The following PTK2 variants were observed in gnomAD, a reference collection of about 807,000 sequenced individuals.
PTK2 encodes the protein protein tyrosine kinase 2, also known as focal adhesion kinase 1.
Under a neutral mutation model 150.1 loss-of-function variants are expected in PTK2, and 45 were observed. That is an observed-to-expected ratio of 0.30 (90% CI 0.24 to 0.38). PTK2 has a LOEUF of 0.38. PTK2 is among the 10% of genes least tolerant of loss of function. The pLI is 1.00. For missense variants in PTK2, 919 were observed against 1,307.3 expected, an observed-to-expected ratio of 0.70 and a Z score of 4.58; for synonymous variants, 432 against 449.2, an observed-to-expected ratio of 0.96 and a Z score of 0.48.
intron 2 of PTK2, among the ~76,000 whole-genome samples, chr8:140,912,245 T>G (rs145163426): frequency 2.8e-5 from 4 of 143,248 alleles, no homozygotes; most frequent in African/African-American, 1.0e-4. Context: ...TCTGTCTCTA[T>G]AAAAGAAAAA....
At chr8:140,754,432 A>G (rs759714135) in intron 16 of PTK2, among the ~76,000 whole-genome samples, 1 of 152,224 alleles carries the variant, frequency 6.6e-6, no homozygotes, top group African/African-American at 2.4e-5. Context: ...TTCTAGCTAA[A>G]TATGAGGCTG....
intron 30 of PTK2, 100 bp from the exon 35 acceptor site, chr8:140,665,097 C>G: frequency 1.8e-6 from 2 of 1,087,304 alleles, no homozygotes; most frequent in Non-Finnish European, 2.6e-6. Flanking sequence ...AGTTTCAAGG[C>G]AAATTTCTGT....
intron 1 of PTK2, among the ~76,000 whole-genome samples, chr8:140,996,033 C>G (rs1024006525): frequency 1.3e-5 from 2 of 151,928 alleles, no homozygotes; most frequent in Non-Finnish European, 2.9e-5. Context: ...TGCAGTCAGC[C>G]AAGATCGCGC....
intron 2 of PTK2, among the ~76,000 whole-genome samples, chr8:140,906,282 A>C (rs921980032): frequency 3.3e-5 from 5 of 152,236 alleles, no homozygotes; most frequent in African/African-American, 1.2e-4. Context: ...AATGTAAAGT[A>C]GTATAGCCAT....
At chr8:140,712,738 A>G (rs1302091553) in intron 23 of PTK2, among the ~76,000 whole-genome samples, 1 of 152,240 alleles carries the variant, frequency 6.6e-6, no homozygotes, top group Non-Finnish European at 1.5e-5. Context: ...ATCACATGTT[A>G]ATACCATCCT....
At chr8:140,666,075 T>A (rs1164750182) in intron 30 of PTK2, among the ~76,000 whole-genome samples, 1 of 152,220 alleles carries the variant, frequency 6.6e-6, no homozygotes, top group South Asian at 2.1e-4. Context: ...CAGTGGCTCA[T>A]GCCTGTAATC....
At chr8:140,954,307 C>T (rs1166663355) in intron 1 of PTK2, among the ~76,000 whole-genome samples, 1 of 152,074 alleles carries the variant, frequency 6.6e-6, no homozygotes, top group Non-Finnish European at 1.5e-5. Flanking sequence ...TGAACTCAAG[C>T]AATCCTCCTG....
intron 2 of PTK2, among the ~76,000 whole-genome samples, chr8:140,891,401 C>T (rs2154607414): frequency 6.6e-6 from 1 of 152,262 alleles, no homozygotes; most frequent in South Asian, 2.1e-4. Context: ...CAAGCCTAAA[C>T]ACCCATCGAG....
At chr8:140,863,420 T>C (rs2100137408) in intron 5 of PTK2, among the ~76,000 whole-genome samples, 1 of 152,224 alleles carries the variant, frequency 6.6e-6, no homozygotes, top group Non-Finnish European at 1.5e-5. Context: ...CGTTTTTAAA[T>C]GGCTCCCAAT....
chr8:140,876,663 G>C (rs2100145699), intron 4 of PTK2, among the ~76,000 whole-genome samples: 1 of 151,942 alleles, frequency 6.6e-6, no homozygotes, highest in Non-Finnish European at 1.5e-5. Flanking sequence ...TTGAGTTTCT[G>C]TTAGAAATGG....
At chr8:140,839,000 G>A (rs1386267940) in intron 7 of PTK2, among the ~76,000 whole-genome samples, 1 of 147,298 alleles carries the variant, frequency 6.8e-6, no homozygotes, top group Non-Finnish European at 1.5e-5. Flanking sequence ...GTGAGACTCC[G>A]TCTCAAAAAA....
chr8:140,943,154 C>G (rs1193098355), intron 1 of PTK2, among the ~76,000 whole-genome samples: 1 of 152,140 alleles, frequency 6.6e-6, no homozygotes, highest in African/African-American at 2.4e-5. Context: ...AACGCAAGAA[C>G]AGCCTAATAC....
chr8:140,935,426 A>C (rs1389710263), intron 1 of PTK2, among the ~76,000 whole-genome samples: 1 of 152,162 alleles, frequency 6.6e-6, no homozygotes, highest in Non-Finnish European at 1.5e-5. Flanking sequence ...AATAACACCT[A>C]GGCTGCGATG....
chr8:140,933,267 G>A (rs919044859), intron 1 of PTK2, among the ~76,000 whole-genome samples: 1 of 150,292 alleles, frequency 6.7e-6, no homozygotes, highest in African/African-American at 2.4e-5. Flanking sequence ...ATTTCCTTTA[G>A]AAAAAAACAG....
intron 5 of PTK2, among the ~76,000 whole-genome samples, chr8:140,848,277 T>TA (rs1193254845): frequency 4.6e-5 from 7 of 152,320 alleles, no homozygotes; most frequent in African/African-American, 1.7e-4. Flanking sequence ...TAATATGCAC[T>TA]AAAAAAGTAT....
At chr8:140,785,016 A>G (rs960009505) in intron 14 of PTK2, among the ~76,000 whole-genome samples, 1 of 152,170 alleles carries the variant, frequency 6.6e-6, no homozygotes, top group Non-Finnish European at 1.5e-5. Context: ...GAGACCCACA[A>G]AGAGCGACAA....
In PTK2 at chr8:140,981,375, G is replaced by C. The variant is rs192441879; in HGVS notation, c.-122+19750C>G. 3.9e-4 allele frequency among the ~76,000 whole-genome samples: 60 copies of C among 152,294 alleles called. 1 individual carries two copies. Among genetic ancestry groups the C allele is most frequent in the Admixed American group, 3.6e-3 (55 of 15,306 alleles). On this transcript the variant is annotated intron_variant, in intron 1 of 31. Transcript: ENST00000522684. ...CACTTACAGAGTGGCACCGGTGTGAGGGGTGGGAGTGGGATGGGACAGAAC... is the reference window on the plus strand; with the variant it reads ...CACTTACAGAGTGGCACCGGTGTGACGGGTGGGAGTGGGATGGGACAGAAC...
intron 5 of PTK2, among the ~76,000 whole-genome samples, chr8:140,852,666 G>A (rs1208810541): frequency 6.6e-6 from 1 of 152,186 alleles, no homozygotes; most frequent in Non-Finnish European, 1.5e-5. Flanking sequence ...ATTTTAAAAT[G>A]TGTATATGTT....
In PTK2 at chr8:140,676,765, T is replaced by TAAAAAAAAAAAAAAA. The variant is rs869199304; in HGVS notation, c.2563-1281_2563-1267dup. 7.0e-4 allele frequency among the ~76,000 whole-genome samples: 39 copies of TAAAAAAAAAAAAAAA among 55,560 alleles called. 6 individuals carry two copies. Among genetic ancestry groups the TAAAAAAAAAAAAAAA allele is most frequent in the Middle Eastern group, 0.013 (1 of 76 alleles). 36.4% of individuals were successfully genotyped at this position (55,560 alleles called of 152,430 possible). A position where few individuals can be genotyped will look rare whatever the true frequency, so the allele number is the denominator to read the frequency against. The stretch of plus-strand genomic sequence containing the variant: ...ACATGGTGAAACCCCGTCTCTACTT[T>TAAAAAAAAAAAAAAA]AAAAAAAAAAAAAAAAAAAAAAAAT... On this transcript the variant is annotated intron_variant, in intron 27 of 31. Transcript: ENST00000522684.
Sources: gnomAD v4.1 joint callset for allele counts (sites outside exome capture counted in the v4.1 genomes callset) on GRCh38, gnomAD v4.1.1 for gene constraint, MANE v1.5 for transcripts, NCBI Gene and HGNC (gene_info 2026-07-23, HGNC 2026-07-21) for gene names.